The following ZFPM2 variants were observed in gnomAD, a reference collection of about 807,000 sequenced individuals.
ZFPM2 encodes zinc finger protein ZFPM2.
ZFPM2 carries 20 observed loss-of-function variants against 98.6 expected under a neutral mutation model. The ratio of observed to expected loss-of-function variants is 0.20; its 90% CI spans 0.14 to 0.29. The LOEUF (loss-of-function observed/expected upper bound fraction) is 0.29, where lower values mean the gene tolerates loss of function less well. Ranked by LOEUF, ZFPM2 falls within the 10% of genes least tolerant of loss-of-function variation. The probability of loss-of-function intolerance (pLI) is 1.00; values close to 1 mark genes in which losing one functional copy is unlikely to be tolerated. For missense variants in ZFPM2, 1,310 were observed against 1,388.6 expected (o/e 0.94, Z 0.90); for synonymous variants, 518 against 502.7 (o/e 1.03, Z -0.41).
intron 1 of ZFPM2, among the ~76,000 whole-genome samples, chr8:105,383,210 A>G (rs1268141718): frequency 1.3e-5 from 2 of 152,100 alleles, no homozygotes; most frequent in African/African-American, 4.8e-5. Flanking sequence ...TCATCATCAA[A>G]GTTAATAAAC....
At chr8:105,792,093 G>A (rs946801591) in intron 6 of ZFPM2, among the ~76,000 whole-genome samples, 1 of 152,004 alleles carries the variant, frequency 6.6e-6, no homozygotes, top group African/African-American at 2.4e-5. Context: ...ATTTCCTTCA[G>A]TTCTGCTCTG....
In ZFPM2 at chr8:105,529,726, AT is replaced by A. The variant is rs1394183561; in HGVS notation, c.302-31628del. On this transcript the variant is annotated intron_variant, in intron 3 of 7. Transcript: ENST00000407775. ...TTTATGCAGAAAACATGCCACTTTG[AT>A]TTTTTTTTCTTTCTTCTTTTTGAGA... 6.0e-5 allele frequency among the ~76,000 whole-genome samples: 9 copies of A among 150,856 alleles called. No individual in the cohort carries two copies. The South Asian group carries it at 1.1e-3, about 18-fold the overall frequency.
intron 2 of ZFPM2, among the ~76,000 whole-genome samples, chr8:105,439,576 A>G (rs1248381937): frequency 6.6e-6 from 1 of 152,144 alleles, no homozygotes; most frequent in Non-Finnish European, 1.5e-5. Context: ...TATTTGAGGA[A>G]GTTCCTTATG....
At chr8:105,583,822 G>A (rs1815654441) in intron 4 of ZFPM2, among the ~76,000 whole-genome samples, 1 of 152,268 alleles carries the variant, frequency 6.6e-6, no homozygotes. Flanking sequence ...AGGTTAAGGG[G>A]TCAGTACTCT....
intron 2 of ZFPM2, among the ~76,000 whole-genome samples, chr8:105,440,495 G>C (rs1427031679): frequency 6.6e-6 from 1 of 152,104 alleles, no homozygotes; most frequent in Admixed American, 6.5e-5. Context: ...AAGAAATGGG[G>C]TGTATCAGTA....
intron 5 of ZFPM2, among the ~76,000 whole-genome samples, chr8:105,663,766 T>C (rs1373677342): frequency 1.3e-5 from 2 of 152,236 alleles, no homozygotes; most frequent in African/African-American, 4.8e-5. Context: ...GAAAATTAAA[T>C]GTGTTAAAAT....
At chr8:105,733,908 G>T (rs1181768869) in intron 5 of ZFPM2, among the ~76,000 whole-genome samples, 1 of 151,816 alleles carries the variant, frequency 6.6e-6, no homozygotes, top group Non-Finnish European at 1.5e-5. Flanking sequence ...TTTCCTGAGA[G>T]CCTAGCAAAT....
At chr8:105,527,155 A>AAG (rs1814192171) in intron 3 of ZFPM2, among the ~76,000 whole-genome samples, 1 of 152,140 alleles carries the variant, frequency 6.6e-6, no homozygotes, top group South Asian at 2.1e-4. Context: ...AGACCTCAGA[A>AAG]ATCTTACTAT....
At chr8:105,574,348 A>G (rs1462216324) in intron 4 of ZFPM2, among the ~76,000 whole-genome samples, 1 of 152,232 alleles carries the variant, frequency 6.6e-6, no homozygotes, top group East Asian at 1.9e-4. Context: ...AGAAAGGTTA[A>G]GTGGTCAAAC....
At chr8:105,634,619 C>G (rs1342944741) in intron 5 of ZFPM2, among the ~76,000 whole-genome samples, 1 of 152,110 alleles carries the variant, frequency 6.6e-6, no homozygotes, top group African/African-American at 2.4e-5. Flanking sequence ...AGTGGCTTGA[C>G]TAATATCTTT....
At position 105,485,709 on chromosome 8, in the gene ZFPM2, T is replaced by C. The variant is rs896608731; in HGVS notation, c.301+41328T>C. Reference sequence around the variant, plus strand: ...AGAAGCTGTAGGACTTTGTTAAAGATTTCAAGAGCAAAGACAGATAAGAGT... The same window carrying C: ...AGAAGCTGTAGGACTTTGTTAAAGACTTCAAGAGCAAAGACAGATAAGAGT... On this transcript the variant is annotated intron_variant, in intron 3 of 7. Transcript: ENST00000407775. Among the ~76,000 whole-genome samples, 20 of 152,080 alleles carry C rather than the reference T, an allele frequency of 1.3e-4. No homozygotes were observed. In the Middle Eastern group the frequency reaches 0.01, roughly 78 times the overall value.
At chr8:105,393,062 A>T (rs757832974) in intron 1 of ZFPM2, among the ~76,000 whole-genome samples, 4 of 152,186 alleles carry the variant, frequency 2.6e-5, no homozygotes, top group Non-Finnish European at 4.4e-5. Flanking sequence ...CAATGTTCTC[A>T]TCTGTGTGAT....
intron 5 of ZFPM2, among the ~76,000 whole-genome samples, chr8:105,651,560 A>G (rs1046098362): frequency 6.6e-6 from 1 of 151,944 alleles, no homozygotes; most frequent in African/African-American, 2.4e-5. Flanking sequence ...CACCATCTGT[A>G]TCATTTTTAA....
chr8:105,419,193 G>A lies in ZFPM2; in HGVS notation c.90G>A (p.Glu30=), dbSNP rs769580025. The A allele has an allele frequency of 1.2e-5, 19 of 1,613,386 alleles. No homozygotes were observed. Among genetic ancestry groups the A allele is most frequent in the Middle Eastern group, 1.6e-4 (1 of 6,082 alleles). Residue 30 remains glutamate, a synonymous_variant, in exon 2 of 8, where the codon GAG becomes GAA. Coordinates refer to ENST00000407775, the MANE Select transcript of ZFPM2 (RefSeq NM_012082.4). ...IEDEEEECPS[E]ETDIISKGDF... ...ATGAGGAAGAAGAATGTCCATCAGA[G>A]GAAACAGACATCATCTCCAAAGGAG...
intron 4 of ZFPM2, among the ~76,000 whole-genome samples, chr8:105,572,312 A>T (rs1386314332): frequency 1.3e-5 from 2 of 152,194 alleles, no homozygotes; most frequent in African/African-American, 4.8e-5. Flanking sequence ...CTGGGATTAC[A>T]GGCGTGAGCC....
chr8:105,506,200 G>C (rs1324523309), intron 3 of ZFPM2, among the ~76,000 whole-genome samples: 2 of 152,170 alleles, frequency 1.3e-5, no homozygotes, highest in African/African-American at 4.8e-5. Flanking sequence ...TTTGGTCACA[G>C]ATTTGTAAAT....
rs554833485 is a variant in ZFPM2, at chr8:105,797,022, A to G, written c.740-1702A>G. 7.9e-5 allele frequency: 12 copies of G among 152,344 alleles called. No individual in the cohort carries two copies. The East Asian group carries it at 2.1e-3, about 27-fold the overall frequency. The allele number at this position is 152,344 out of a possible 1,614,324, so 9.4% of individuals were successfully genotyped here. The stretch of plus-strand genomic sequence containing the variant: ...ACACAGAAGCTTGGGAGCAAAGCAG[A>G]GCCTTATTCGTCCATTCTAGAATCT... On this transcript the variant is annotated intron_variant, in intron 6 of 7. Coordinates refer to ENST00000407775, the MANE Select transcript of ZFPM2 (RefSeq NM_012082.4).
intron 3 of ZFPM2, among the ~76,000 whole-genome samples, chr8:105,456,911 C>G (rs938253704): frequency 6.6e-6 from 1 of 152,108 alleles, no homozygotes; most frequent in African/African-American, 2.4e-5. Context: ...CCTGGGCCTC[C>G]CAAAGTGCTG....
chr8:105,764,593 C>G lies in ZFPM2; in HGVS notation c.533-24125C>G, dbSNP rs561781315. ...ATGTTGTAATAAGTTTGATTGTATT[C>G]AAGAATGTGAAAGGAGTAACTGTTT... On this transcript the variant is annotated intron_variant, in intron 5 of 7. Coordinates refer to ENST00000407775, the MANE Select transcript of ZFPM2 (RefSeq NM_012082.4). Among the ~76,000 whole-genome samples the G allele has an allele frequency of 4.6e-5, 7 of 151,676 alleles. No individual in the cohort carries two copies. In the South Asian group the frequency reaches 1.5e-3, roughly 31 times the overall value.
Sources: gnomAD v4.1 joint callset for allele counts (sites outside exome capture counted in the v4.1 genomes callset) on GRCh38, gnomAD v4.1.1 for gene constraint, MANE v1.5 for transcripts, NCBI Gene and HGNC (gene_info 2026-07-23, HGNC 2026-07-21) for gene names.